The following PPP1R9A variants were observed in gnomAD, a reference collection of about 807,000 sequenced individuals.
The protein encoded by PPP1R9A is protein phosphatase 1 regulatory subunit 9A.
PPP1R9A carries 59 observed loss-of-function variants against 141.9 expected under a neutral mutation model. The ratio of observed to expected loss-of-function variants is 0.42; its 90% CI spans 0.34 to 0.52. The LOEUF (loss-of-function observed/expected upper bound fraction) is 0.52, where lower values mean the gene tolerates loss of function less well. Among genes scored for constraint, PPP1R9A ranks in the 20% least tolerant of loss-of-function variants. The pLI, the probability that PPP1R9A is intolerant of heterozygous loss-of-function variation, is 0.10. For synonymous variants in PPP1R9A, 500 were observed against 569.7 expected, an observed-to-expected ratio of 0.88 and a Z score of 1.74; for missense variants, 1,444 against 1,611.9, an observed-to-expected ratio of 0.90 and a Z score of 1.78.
intron 16 of PPP1R9A, among the ~76,000 whole-genome samples, chr7:95,279,721 CAAATTT>C (rs2153069879): frequency 6.6e-6 from 1 of 152,168 alleles, no homozygotes; most frequent in Non-Finnish European, 1.5e-5. Context: ...GTTAAAAACT[CAAATTT>C]AAAATGAGTT....
intron 8 of PPP1R9A, among the ~76,000 whole-genome samples, chr7:95,246,360 AATAG>A (rs2152996748): frequency 6.6e-6 from 1 of 152,302 alleles, no homozygotes; most frequent in East Asian, 1.9e-4. Flanking sequence ...TGATTACAGT[AATAG>A]TAAAAGTTTA....
chr7:95,017,540 C>T (rs545527956), intron 2 of PPP1R9A, among the ~76,000 whole-genome samples: 216 of 152,134 alleles, frequency 1.4e-3, no homozygotes, highest in African/African-American at 4.0e-3. Flanking sequence ...ACAAAGATGT[C>T]TAAGACCCCT....
intron 5 of PPP1R9A, among the ~76,000 whole-genome samples, chr7:95,163,802 C>T (rs1448965899): frequency 1.3e-5 from 2 of 152,056 alleles, no homozygotes; most frequent in Admixed American, 6.6e-5. Flanking sequence ...TGCAGTGGCG[C>T]AGTCTCAACT....
At chr7:95,161,041 T>C (rs999780732) in intron 4 of PPP1R9A, among the ~76,000 whole-genome samples, 14 of 152,224 alleles carry the variant, frequency 9.2e-5, no homozygotes, top group Non-Finnish European at 1.8e-4. Flanking sequence ...TACCCAGTAA[T>C]GGGATTACTG....
chr7:95,140,646 C>A (rs1349825678), intron 4 of PPP1R9A, among the ~76,000 whole-genome samples: 1 of 152,180 alleles, frequency 6.6e-6, no homozygotes, highest in Non-Finnish European at 1.5e-5. Context: ...CTATCTGAGG[C>A]TCCTAAAGTG....
intron 1 of PPP1R9A, among the ~76,000 whole-genome samples, chr7:94,909,077 G>A (rs994108858): frequency 1.3e-5 from 2 of 152,238 alleles, no homozygotes; most frequent in African/African-American, 4.8e-5. Flanking sequence ...AAAGAGACCA[G>A]CAAGCATGCA....
chr7:95,092,813 A>G lies in PPP1R9A; in HGVS notation c.1396-18446A>G, dbSNP rs187436732. Among the ~76,000 whole-genome samples the G allele has an allele frequency of 1.9e-3, 294 of 152,372 alleles. 2 individuals carry two copies. Among genetic ancestry groups the G allele is most frequent in the African/African-American group, 6.6e-3 (275 of 41,594 alleles). ...TCATCTAATATTGGAGGATATTGTCATAGGAAAGTTCCAAGATATTCAAGA... is the reference window on the plus strand; with the variant it reads ...TCATCTAATATTGGAGGATATTGTCGTAGGAAAGTTCCAAGATATTCAAGA... On this transcript the variant is annotated intron_variant, in intron 2 of 19. Transcript: ENST00000433360.
intron 4 of PPP1R9A, among the ~76,000 whole-genome samples, chr7:95,136,533 T>C (rs1825694614): frequency 6.6e-6 from 1 of 152,218 alleles, no homozygotes; most frequent in Non-Finnish European, 1.5e-5. Context: ...TCAGGAAAGA[T>C]GTTTTCTAGA....
chr7:95,024,298 G>C (rs1408351706), intron 2 of PPP1R9A, among the ~76,000 whole-genome samples: 1 of 152,090 alleles, frequency 6.6e-6, no homozygotes, highest in Non-Finnish European at 1.5e-5. Context: ...AGGTCACTTG[G>C]ACCAGAGCTC....
intron 2 of PPP1R9A, among the ~76,000 whole-genome samples, chr7:94,954,999 G>A (rs1175593563): frequency 6.6e-6 from 1 of 151,624 alleles, no homozygotes; most frequent in African/African-American, 2.4e-5. Flanking sequence ...TTACAAAATT[G>A]CTCGTATTTA....
intron 4 of PPP1R9A, among the ~76,000 whole-genome samples, chr7:95,153,642 A>G (rs1323837185): frequency 3.9e-5 from 6 of 152,198 alleles, no homozygotes; most frequent in Non-Finnish European, 8.8e-5. Flanking sequence ...TTTTTAATTG[A>G]TACCTTATAT....
chr7:95,170,176 C>T (rs1831892001), intron 5 of PPP1R9A, among the ~76,000 whole-genome samples: 2 of 151,434 alleles, frequency 1.3e-5, no homozygotes, highest in South Asian at 4.2e-4. Context: ...TAGAAAGTAT[C>T]AAAATTTAAA....
In PPP1R9A at chr7:95,247,544, G is replaced by A. The variant is rs772641850; in HGVS notation, c.2166+18G>A. ...AGACCAAGGTAAGCACCGAAACATG[G>A]TGTTTGAATTTTACTTTTTAAACTT... On this transcript the variant is annotated intron_variant, in intron 9 of 19. Transcript: ENST00000433360. 1 of 1,587,788 alleles carries A rather than the reference G, an allele frequency of 6.3e-7. No homozygotes were observed. Among genetic ancestry groups the A allele is most frequent in the Non-Finnish European group, 8.6e-7 (1 of 1,160,608 alleles).
chr7:94,915,067 G>C (rs535853212), intron 2 of PPP1R9A, among the ~76,000 whole-genome samples: 1 of 152,240 alleles, frequency 6.6e-6, no homozygotes, highest in Non-Finnish European at 1.5e-5. Context: ...ATCTGAAAAA[G>C]ATTTTTCTAA....
In PPP1R9A at chr7:95,048,932, A is replaced by G. The variant is rs142555924; in HGVS notation, c.1396-62327A>G. Reference sequence around the variant, plus strand: ...TCTGTTATTTGAAATTATTTCAGTTATATCTATAAATTTACAAATACTGAG... The same window carrying G: ...TCTGTTATTTGAAATTATTTCAGTTGTATCTATAAATTTACAAATACTGAG... On this transcript the variant is annotated intron_variant, in intron 2 of 19. Transcript: ENST00000433360. 7.2e-5 allele frequency among the ~76,000 whole-genome samples: 11 copies of G among 152,214 alleles called. 1 individual carries two copies. In the East Asian group the frequency reaches 2.1e-3, roughly 29 times the overall value.
At chr7:95,280,811 AAAGG>A (rs1448397444) in intron 16 of PPP1R9A, among the ~76,000 whole-genome samples, 1 of 152,202 alleles carries the variant, frequency 6.6e-6, no homozygotes, top group Non-Finnish European at 1.5e-5. Context: ...AAAGGAAAGA[AAAGG>A]AAGGAACGAG....
chr7:95,050,892 T>A (rs920364114), intron 2 of PPP1R9A, among the ~76,000 whole-genome samples: 1 of 152,212 alleles, frequency 6.6e-6, no homozygotes, highest in African/African-American at 2.4e-5. Flanking sequence ...ATTTTCTTCT[T>A]CCTGCTGGAT....
Position 95,120,811 on chromosome 7 carries a change from G to C in PPP1R9A, c.1628G>C (p.Gly543Ala). 6.2e-7 allele frequency: 1 copy of C among 1,613,756 alleles called. No individual in the cohort carries two copies. Among genetic ancestry groups the C allele is most frequent in the Non-Finnish European group, 8.5e-7 (1 of 1,179,804 alleles). ...GIFVKTVTEG[G>A]AAQRDGRIQV... ...TTCGTCAAGACAGTAACAGAAGGTG[G>C]TGCTGCTCAACGGGATGGCAGGTAA... The change falls in exon 4 of 20, where the codon GGT becomes GCT. Residue 543 changes from glycine (G) to alanine (A), a missense_variant. Physicochemically the swap from Gly to Ala is moderately conservative, Grantham distance 60. Coordinates refer to ENST00000433360, the MANE Select transcript of PPP1R9A (RefSeq NM_001166160.2).
At chr7:95,287,273 C>T (rs1401990030) in intron 18 of PPP1R9A, 7 of 1,062,802 alleles carry the variant, frequency 6.6e-6, no homozygotes, top group African/African-American at 4.7e-5. Flanking sequence ...TGTTAAATAG[C>T]TTTACTCTCT....
Sources: gnomAD v4.1 joint callset for allele counts (sites outside exome capture counted in the v4.1 genomes callset) on GRCh38, gnomAD v4.1.1 for gene constraint, MANE v1.5 for transcripts, NCBI Gene and HGNC (gene_info 2026-07-23, HGNC 2026-07-21) for gene names.